Variants in DCC observed in about 807,000 individuals in gnomAD.
The protein encoded by DCC is netrin receptor DCC.
Under a neutral mutation model 172.5 loss-of-function variants are expected in DCC, and 58 were observed. That is an observed-to-expected ratio of 0.34 (90% CI 0.27 to 0.42). DCC has a LOEUF of 0.42. DCC is among the 10% of genes least tolerant of loss of function. DCC has a pLI of 1.00. For synonymous variants in DCC, 709 were observed against 644.5 expected (o/e 1.10, Z -1.52); for missense variants, 1,740 against 1,791.0 (o/e 0.97, Z 0.51).
chr18:52,832,508 G>C (rs151122962), intron 2 of DCC, among the ~76,000 whole-genome samples: 1 of 152,108 alleles, frequency 6.6e-6, no homozygotes, highest in Non-Finnish European at 1.5e-5. Context: ...ACTTCTGGGC[G>C]TCTTCCGTGG....
intron 1 of DCC, among the ~76,000 whole-genome samples, chr18:52,592,835 G>C (rs1377090013): frequency 6.6e-6 from 1 of 152,080 alleles, no homozygotes; most frequent in East Asian, 1.9e-4. Context: ...AGTAGACATG[G>C]GGTTTTGCTA....
At chr18:53,309,205 T>G (rs1599009226) in intron 13 of DCC, among the ~76,000 whole-genome samples, 1 of 152,118 alleles carries the variant, frequency 6.6e-6, no homozygotes, top group African/African-American at 2.4e-5. Context: ...ACCCAGCTAA[T>G]TTTTTAAATT....
chr18:53,163,379 C>T (rs774345832), intron 8 of DCC, among the ~76,000 whole-genome samples: 1 of 152,222 alleles, frequency 6.6e-6, no homozygotes, highest in African/African-American at 2.4e-5. Flanking sequence ...ATTCTAATAT[C>T]TCCATTTACT....
At chr18:53,162,546 C>T (rs1004995206) in intron 8 of DCC, among the ~76,000 whole-genome samples, 4 of 152,104 alleles carry the variant, frequency 2.6e-5, no homozygotes, top group Non-Finnish European at 5.9e-5. Flanking sequence ...GCCTTTTTCT[C>T]ATGTTACTTC....
chr18:53,312,724 G>T (rs957141559), intron 13 of DCC, among the ~76,000 whole-genome samples: 2 of 145,100 alleles, frequency 1.4e-5, no homozygotes, highest in Admixed American at 7.2e-5. Flanking sequence ...CGGGAGAATG[G>T]CTTGAACCGG....
intron 1 of DCC, among the ~76,000 whole-genome samples, chr18:52,446,025 G>A (rs991428990): frequency 3.3e-5 from 5 of 152,104 alleles, no homozygotes; most frequent in African/African-American, 1.2e-4. Context: ...TCCGCCTCCC[G>A]GGTTCACGTC....
chr18:52,932,128 A>G (rs79474914), intron 5 of DCC, among the ~76,000 whole-genome samples: 7,348 of 152,162 alleles, frequency 0.048, 212 homozygotes, highest in Non-Finnish European at 0.062. Context: ...ATTTAATTTT[A>G]GCCATGACTA....
At chr18:53,512,979 C>A (rs999450035) in intron 27 of DCC, among the ~76,000 whole-genome samples, 2 of 151,938 alleles carry the variant, frequency 1.3e-5, no homozygotes, top group Admixed American at 1.3e-4. Context: ...AGATACTCCT[C>A]GAGAAGAGCA....
At chr18:53,180,079 G>T (rs764024140) in intron 9 of DCC, among the ~76,000 whole-genome samples, 1 of 152,130 alleles carries the variant, frequency 6.6e-6, no homozygotes, top group Non-Finnish European at 1.5e-5. Flanking sequence ...GTAGAGATTG[G>T]AAATATTTTA....
intron 1 of DCC, among the ~76,000 whole-genome samples, chr18:52,524,878 T>G (rs1299972549): frequency 6.7e-6 from 1 of 149,646 alleles, no homozygotes; most frequent in Non-Finnish European, 1.5e-5. Context: ...ATAGGAATTT[T>G]TAGGTTTTTA....
At position 53,467,902 on chromosome 18, in the gene DCC, A is replaced by C. The variant is rs146693489; in HGVS notation, c.3628A>C (p.Thr1210Pro). 66 of 1,587,252 alleles carry C rather than the reference A, an allele frequency of 4.2e-5. No individual in the cohort carries two copies. The African/African-American group carries it at 8.3e-4, about 20-fold the overall frequency. Reference sequence around the variant, plus strand: ...GAGTGTGTATTTTTTAGGTCAAGACACTGAGGAAGCAGGGAGCTCTATGTC... The same window carrying C: ...GAGTGTGTATTTTTTAGGTCAAGACCCTGAGGAAGCAGGGAGCTCTATGTC... Reference protein sequence around the residue: ...SKSTSHSGQDTEEAGSSMSTL... With the variant: ...SKSTSHSGQDPEEAGSSMSTL... The change falls in exon 25 of 29, where the codon ACT (threonine) becomes CCT (proline). Residue 1210 changes from threonine to proline, a missense_variant. Thr to Pro is a conservative substitution (Grantham distance 38). This residue lies in a region of DCC where 1,732 missense variants were observed against 1,767.4 expected (regional missense o/e 0.98). Coordinates refer to ENST00000442544, the MANE Select transcript of DCC (RefSeq NM_005215.4).
chr18:53,063,680 CT>C (rs2042528100), intron 6 of DCC: 1 of 500,784 alleles, frequency 2.0e-6, no homozygotes, highest in African/African-American at 1.9e-5. Context: ...ACAGACAAGA[CT>C]TTAAAACATA....
intron 21 of DCC, 119 bp downstream of exon 21, chr18:53,416,275 TGGCG>T: frequency 1.3e-6 from 1 of 774,192 alleles, no homozygotes; most frequent in Non-Finnish European, 2.3e-6. Flanking sequence ...AAGCAGACAC[TGGCG>T]TGACGATTAA....
intron 1 of DCC, among the ~76,000 whole-genome samples, chr18:52,555,197 C>T (rs1441410781): frequency 1.3e-5 from 2 of 151,924 alleles, no homozygotes; most frequent in Non-Finnish European, 2.9e-5. Context: ...AACTCACAGT[C>T]GAAGAGCAGT....
intron 13 of DCC, among the ~76,000 whole-genome samples, chr18:53,317,766 T>G (rs978189641): frequency 2.0e-5 from 3 of 152,202 alleles, no homozygotes; most frequent in African/African-American, 7.2e-5. Flanking sequence ...CTAGTTTATT[T>G]GCATAGAGGT....
intron 5 of DCC, among the ~76,000 whole-genome samples, chr18:52,977,653 A>G (rs1394137068): frequency 3.3e-5 from 5 of 152,086 alleles, no homozygotes; most frequent in African/African-American, 9.7e-5. Flanking sequence ...TGGGAGGCCG[A>G]GGCGGGTGGA....
chr18:52,863,447 G>A (rs944455145), intron 2 of DCC, among the ~76,000 whole-genome samples: 17 of 151,766 alleles, frequency 1.1e-4, no homozygotes, highest in Non-Finnish European at 2.1e-4. Flanking sequence ...TTTCTATATG[G>A]AACAGGACAT....
intron 5 of DCC, among the ~76,000 whole-genome samples, chr18:52,994,524 A>G (rs2041448734): frequency 6.6e-6 from 1 of 152,182 alleles, no homozygotes; most frequent in Non-Finnish European, 1.5e-5. Context: ...CTCATACTTC[A>G]GTGAGTCAGT....
At chr18:53,377,856 A>G (rs893346640) in intron 15 of DCC, among the ~76,000 whole-genome samples, 3 of 151,992 alleles carry the variant, frequency 2.0e-5, no homozygotes, top group African/African-American at 7.2e-5. Flanking sequence ...TGCTTGTTTC[A>G]CTCTTTTCCC....
Sources: gnomAD v4.1 joint callset for allele counts (sites outside exome capture counted in the v4.1 genomes callset) on GRCh38, gnomAD v4.1.1 for gene constraint, gnomAD v4.1.1 regional missense constraint, MANE v1.5 for transcripts, NCBI Gene and HGNC (gene_info 2026-07-23, HGNC 2026-07-21) for gene names.